TXNRD3: variants seen among roughly 807,000 people sequenced by gnomAD.
TXNRD3 encodes the protein TXNRD3 neighbor gene protein.
Under a neutral mutation model 78.2 loss-of-function variants are expected in TXNRD3, and 68 were observed. The observed-to-expected ratio is 0.87, with a 90% CI of 0.72 to 1.06. TXNRD3 has a LOEUF of 1.06. Among genes scored for constraint, TXNRD3 ranks in the 50% least tolerant of loss-of-function variants. TXNRD3 has a pLI of 0.00. For synonymous variants in TXNRD3, 296 were observed against 300.1 expected (o/e 0.99, Z 0.14); for missense variants, 751 against 809.5 (o/e 0.93, Z 0.88).
rs895782102 is a variant in TXNRD3, at chr3:126,634,078, T to C, written c.713-27A>G. The C allele has an allele frequency of 2.2e-5, 32 of 1,455,080 alleles. No individual in the cohort carries two copies. The Admixed American group carries it at 4.7e-4, about 21-fold the overall frequency. The allele number at this position is 1,455,080 out of a possible 1,614,324, so 90.1% of individuals were successfully genotyped here. A position where few individuals can be genotyped will look rare whatever the true frequency, so the allele number is the denominator to read the frequency against. ...TAAGAAGAAATAATCAGGGTGAAGATGTTAGGTGAATTTTACCTTTAATGG... is the reference window on the plus strand; with the variant it reads ...TAAGAAGAAATAATCAGGGTGAAGACGTTAGGTGAATTTTACCTTTAATGG... On this transcript the variant is annotated intron_variant, in intron 6 of 15. Transcript: ENST00000524230.
intron 10 of TXNRD3, among the ~76,000 whole-genome samples, chr3:126,628,284 CAA>C (rs1409333041): frequency 1.3e-5 from 2 of 152,014 alleles, no homozygotes; most frequent in African/African-American, 4.8e-5. Context: ...GTAAATAAGA[CAA>C]GAGTGCCTGC....
intron 10 of TXNRD3, among the ~76,000 whole-genome samples, chr3:126,627,731 T>C (rs1400285343): frequency 1.3e-5 from 2 of 152,200 alleles, no homozygotes; most frequent in Non-Finnish European, 2.9e-5. Flanking sequence ...AGTGGTCAAA[T>C]ATATCTCCAT....
In TXNRD3 at chr3:126,630,833, T is replaced by C; in HGVS notation, c.1076A>G (p.Asp359Gly). The stretch of plus-strand genomic sequence containing the variant: ...GATTGAGCGTACCATAACTGTGACA[T>C]CTAGGCCAAAGCCAGCCAGAAACCC... Residue 359 changes from aspartate (D) to glycine (G), a missense_variant, in exon 9 of 16, where the codon GAT becomes GGT. Coordinates refer to ENST00000524230, the MANE Select transcript of TXNRD3 (RefSeq NM_052883.3). 6.5e-7 allele frequency: 1 copy of C among 1,535,750 alleles called. No individual in the cohort carries two copies. Among genetic ancestry groups the C allele is most frequent in the Non-Finnish European group, 8.7e-7 (1 of 1,146,864 alleles).
At chr3:126,647,906 A>C (rs1261820088) in intron 1 of TXNRD3, among the ~76,000 whole-genome samples, 1 of 152,210 alleles carries the variant, frequency 6.6e-6, no homozygotes, top group Non-Finnish European at 1.5e-5. Flanking sequence ...AGGCATCCTA[A>C]CTGGAAAATA....
Position 126,644,354 on chromosome 3 carries a change from T to A in TXNRD3, c.462A>T (p.Ala154=). ...CGATGATGATGAGATCATAATCATATGCCAAATCTTCCTGAAGGAGCTTCT... is the reference window on the plus strand; with the variant it reads ...CGATGATGATGAGATCATAATCATAAGCCAAATCTTCCTGAAGGAGCTTCT... The change falls in exon 4 of 16, where the codon GCA becomes GCT. Residue 154 remains alanine (A), a synonymous_variant. Coordinates refer to ENST00000524230, the MANE Select transcript of TXNRD3 (RefSeq NM_052883.3). The A allele has an allele frequency of 6.5e-7, 1 of 1,536,448 alleles. No individual in the cohort carries two copies. Among genetic ancestry groups the A allele is most frequent in the Non-Finnish European group, 8.7e-7 (1 of 1,146,970 alleles).
At chr3:126,647,114 G>T in intron 2 of TXNRD3, 122 bp downstream of exon 2, 1 of 680,444 alleles carries the variant, frequency 1.5e-6, no homozygotes, top group Non-Finnish European at 2.3e-6. Flanking sequence ...GCTGAATGTA[G>T]ACAAAAATGC....
At chr3:126,635,115 A>G (rs1938824407) in intron 6 of TXNRD3, among the ~76,000 whole-genome samples, 1 of 152,156 alleles carries the variant, frequency 6.6e-6, no homozygotes, top group Non-Finnish European at 1.5e-5. Flanking sequence ...CGTCACCACA[A>G]TGGCACATAT....
rs532016428 is a variant in TXNRD3, at chr3:126,608,593, C to T, written c.1769G>A (p.Gly590Asp). Reference sequence around the variant, plus strand: ...AGCTGCAAATCCTTGGGTAACCTCACCGGCGTTTGGTCCAAGAATATGAAA... The same window carrying T: ...AGCTGCAAATCCTTGGGTAACCTCATCGGCGTTTGGTCCAAGAATATGAAA... Residue 590 changes from glycine (G) to aspartate (D), a missense_variant, in exon 15 of 16, where the codon GGT (glycine) becomes GAT (aspartate). Coordinates refer to ENST00000524230, the MANE Select transcript of TXNRD3 (RefSeq NM_052883.3). 8.0e-5 allele frequency: 123 copies of T among 1,535,920 alleles called. No individual in the cohort carries two copies. In the South Asian group the frequency reaches 1.1e-3, roughly 13 times the overall value.
intron 8 of TXNRD3, among the ~76,000 whole-genome samples, chr3:126,631,237 T>G (rs1938707876): frequency 6.6e-6 from 1 of 152,070 alleles, no homozygotes; most frequent in Admixed American, 6.6e-5. Flanking sequence ...GAGATGTATG[T>G]ACGTATGTGC....
intron 14 of TXNRD3, among the ~76,000 whole-genome samples, chr3:126,609,578 T>C (rs573437023): frequency 3.9e-5 from 6 of 152,318 alleles, no homozygotes; most frequent in African/African-American, 1.4e-4. Flanking sequence ...GAGTCAAGTA[T>C]TTCCATTTCG....
intron 13 of TXNRD3, among the ~76,000 whole-genome samples, chr3:126,612,486 G>T (rs937848604): frequency 1.3e-5 from 2 of 152,038 alleles, no homozygotes; most frequent in African/African-American, 4.8e-5. Context: ...TTTTTTGTTT[G>T]TTTGTTTGTT....
chr3:126,625,175 T>G (rs551144876), intron 10 of TXNRD3: 1 of 152,066 alleles, frequency 6.6e-6, no homozygotes, highest in Admixed American at 6.6e-5. Flanking sequence ...TTTAATATAC[T>G]TTAAGTTTTA....
At chr3:126,632,735 T>C (rs1938752996) in intron 7 of TXNRD3, among the ~76,000 whole-genome samples, 1 of 150,584 alleles carries the variant, frequency 6.6e-6, no homozygotes, top group South Asian at 2.1e-4. Context: ...CACATGCTAA[T>C]ATTAATGAAG....
In TXNRD3 at chr3:126,630,920, A is replaced by G; in HGVS notation, c.989T>C (p.Leu330Pro). Residue 330 changes from leucine (L) to proline (P), a missense_variant, in exon 9 of 16, where the codon CTG (leucine) becomes CCG (proline). By Grantham distance (98) the Leu-to-Pro change is moderately conservative. Coordinates refer to ENST00000524230, the MANE Select transcript of TXNRD3 (RefSeq NM_052883.3). ...TAATGTTTTGCCAGGGCAATAAGGC[A>G]GAGAAAAAAGGTCATCACTGAAAAA... The G allele has an allele frequency of 6.5e-7, 1 of 1,535,718 alleles. No homozygotes were observed. Among genetic ancestry groups the G allele is most frequent in the Non-Finnish European group, 8.7e-7 (1 of 1,146,756 alleles).
chr3:126,613,765 T>C (rs993699260), intron 13 of TXNRD3, among the ~76,000 whole-genome samples: 1 of 152,234 alleles, frequency 6.6e-6, no homozygotes, highest in Non-Finnish European at 1.5e-5. Flanking sequence ...CAGTCTAACA[T>C]ATATAATCAT....
rs906466104 is a variant in TXNRD3, at chr3:126,644,351, A to G, written c.465T>C (p.Tyr155=). ...CACCGATGATGATGAGATCATAATC[A>G]TATGCCAAATCTTCCTGAAGGAGCT... The change falls in exon 4 of 16, where the codon TAT becomes TAC. Residue 155 remains tyrosine (Y), a synonymous_variant. Transcript: ENST00000524230. 4 of 1,536,376 alleles carry G rather than the reference A, an allele frequency of 2.6e-6. No individual in the cohort carries two copies. In the African/African-American group the frequency reaches 4.1e-5, roughly 16 times the overall value.
In TXNRD3 at chr3:126,611,144, AAG is replaced by A. The variant is rs769929565; in HGVS notation, c.1633-14_1633-13del. The A allele has an allele frequency of 6.8e-7, 1 of 1,474,192 alleles. No individual in the cohort carries two copies. The highest frequency in any genetic ancestry group is 1.3e-5 in the South Asian group (1 of 76,878). The allele number at this position is 1,474,192 out of a possible 1,614,324, so 91.3% of individuals were successfully genotyped here. On this transcript the variant is annotated splice_polypyrimidine_tract_variant and intron_variant, in intron 13 of 15. Coordinates refer to ENST00000524230, the MANE Select transcript of TXNRD3 (RefSeq NM_052883.3). ...AAAGTATGATATATCTGGAAGATAA[AAG>A]AGAGAAAAAGGGCAGAATTAATGTA... is the stretch of plus-strand genomic sequence containing the variant.
In TXNRD3 at chr3:126,654,817, G is replaced by A. The variant is rs772387178; in HGVS notation, c.174C>T (p.His58=). 10 of 1,419,066 alleles carry A rather than the reference G, an allele frequency of 7.0e-6. No individual in the cohort carries two copies. The South Asian group carries it at 1.3e-4, about 18-fold the overall frequency. 87.9% of individuals were successfully genotyped at this position (1,419,066 alleles called of 1,614,324 possible). Residue 58 remains histidine, a synonymous_variant, in exon 1 of 16, where the codon CAC becomes CAT. Transcript: ENST00000524230. ...GGCTGCGCTCGATGAGGCCCACGAG[G>A]TGGCGGCGCAGCTCCTCGCGGGCCT...
chr3:126,647,401 A>C, intron 1 of TXNRD3, 105 bp from the exon 2 acceptor site: 1 of 823,516 alleles, frequency 1.2e-6, no homozygotes, highest in Non-Finnish European at 1.9e-6. Flanking sequence ...CTGGAGGAAC[A>C]GGAGTTCTAG....
Sources: allele counts gnomAD v4.1 joint callset (sites outside exome capture counted in the v4.1 genomes callset), GRCh38; gene constraint gnomAD v4.1.1; transcripts MANE v1.5; gene names NCBI Gene and HGNC (gene_info 2026-07-23, HGNC 2026-07-21).